WDPCP: variants seen among roughly 807,000 people sequenced by gnomAD.
WDPCP encodes WD repeat-containing and planar cell polarity effector protein fritz homolog.
Under a neutral mutation model 93.1 loss-of-function variants are expected in WDPCP, and 71 were observed. The ratio of observed to expected loss-of-function variants is 0.76; its 90% CI spans 0.63 to 0.93. The LOEUF is 0.93. WDPCP is among the 40% of genes least tolerant of loss of function. WDPCP has a pLI of 0.00. For synonymous variants in WDPCP, 315 were observed against 315.0 expected (o/e 1.00, Z 0.00); for missense variants, 844 against 887.4 (o/e 0.95, Z 0.62).
chr2:63,654,187 T>C (rs1249338639), intron 2 of WDPCP, among the ~76,000 whole-genome samples: 1 of 151,940 alleles, frequency 6.6e-6, no homozygotes, highest in Non-Finnish European at 1.5e-5. Context: ...GAAGTAAAAA[T>C]TTTACTGGAC....
chr2:63,202,900 A>G (rs1340429697), intron 14 of WDPCP, among the ~76,000 whole-genome samples: 1 of 151,850 alleles, frequency 6.6e-6, no homozygotes, highest in Non-Finnish European at 1.5e-5. Context: ...GCCTAGTTTT[A>G]GATTTTGCTC....
chr2:63,124,411 T>G (rs988718414), intron 17 of WDPCP, among the ~76,000 whole-genome samples: 3 of 152,166 alleles, frequency 2.0e-5, no homozygotes, highest in African/African-American at 7.2e-5. Flanking sequence ...CCCTCATTGC[T>G]TTCTACATGT....
At chr2:63,195,585 A>G (rs1255613726) in intron 14 of WDPCP, among the ~76,000 whole-genome samples, 2 of 152,072 alleles carry the variant, frequency 1.3e-5, no homozygotes, top group African/African-American at 2.4e-5. Context: ...CAGCCTCCCA[A>G]AGGGTTATAG....
At chr2:63,534,265 G>A (rs1034010859) in intron 1 of WDPCP, among the ~76,000 whole-genome samples, 3 of 152,126 alleles carry the variant, frequency 2.0e-5, no homozygotes, top group East Asian at 1.9e-4. Flanking sequence ...ATTCACAGCC[G>A]AATTCTACCA....
chr2:63,174,870 T>C lies in WDPCP; in HGVS notation c.1916-38A>G, dbSNP rs778569154. The C allele has an allele frequency of 2.5e-6, 4 of 1,600,236 alleles. No individual in the cohort carries two copies. In the Admixed American group the frequency reaches 5.0e-5, roughly 20 times the overall value. On this transcript the variant is annotated intron_variant, in intron 14 of 17. Transcript: ENST00000272321. ...ATTAATATGTGAGTGAAATACTAAG[T>C]ACAATTTCTGCTAACTCCCTTATAA...
intron 15 of WDPCP, chr2:63,168,976 A>T (rs928703411): frequency 1.3e-5 from 2 of 152,176 alleles, no homozygotes; most frequent in Non-Finnish European, 2.9e-5. Context: ...ATTATGTGGC[A>T]TATGAGATTT....
At chr2:63,179,205 G>GAA (rs552500748) in intron 14 of WDPCP, among the ~76,000 whole-genome samples, 16 of 138,058 alleles carry the variant, frequency 1.2e-4, no homozygotes, top group Non-Finnish European at 1.1e-4. Context: ...GTCTCGGGGG[G>GAA]AAAAAAAAAA....
At chr2:63,609,319 C>A (rs567217545) in intron 3 of WDPCP, among the ~76,000 whole-genome samples, 1 of 152,146 alleles carries the variant, frequency 6.6e-6, no homozygotes, top group South Asian at 2.1e-4. Flanking sequence ...CGAGATCATG[C>A]CACTGCACTC....
intron 2 of WDPCP, among the ~76,000 whole-genome samples, chr2:63,775,341 G>A (rs1008680970): frequency 1.4e-4 from 21 of 152,202 alleles, no homozygotes; most frequent in African/African-American, 2.4e-4. Context: ...ATTGTAATGC[G>A]GTCAGCCCAT....
At chr2:63,190,112 TAAAC>T (rs1018863860) in intron 14 of WDPCP, among the ~76,000 whole-genome samples, 1 of 151,532 alleles carries the variant, frequency 6.6e-6, no homozygotes, top group Non-Finnish European at 1.5e-5. Flanking sequence ...CAGAAAAAAA[TAAAC>T]AAATAGTGAC....
intron 1 of WDPCP, among the ~76,000 whole-genome samples, chr2:63,826,392 C>T (rs1414260499): frequency 2.0e-5 from 3 of 151,388 alleles, no homozygotes; most frequent in South Asian, 2.1e-4. Flanking sequence ...GCACAATTCT[C>T]AGTATTCATT....
chr2:63,415,810 AG>A (rs1384910189), intron 9 of WDPCP, among the ~76,000 whole-genome samples: 2 of 152,212 alleles, frequency 1.3e-5, no homozygotes, highest in African/African-American at 2.4e-5. Context: ...AAAAAGGTGA[AG>A]GGACTGAAAA....
At chr2:63,717,655 A>G (rs918504969) in intron 2 of WDPCP, 57 of 514,002 alleles carry the variant, frequency 1.1e-4, no homozygotes, top group Non-Finnish European at 1.9e-4. Flanking sequence ...CAACTGCACA[A>G]GATTCTGTCC....
intron 13 of WDPCP, among the ~76,000 whole-genome samples, chr2:63,309,835 C>CT (rs1686044921): frequency 6.6e-6 from 1 of 151,710 alleles, no homozygotes; most frequent in Admixed American, 6.6e-5. Flanking sequence ...GTAAATAACA[C>CT]ACTCAGACAA....
At chr2:63,732,137 G>A (rs1211744333) in intron 2 of WDPCP, among the ~76,000 whole-genome samples, 2 of 152,186 alleles carry the variant, frequency 1.3e-5, no homozygotes, top group Non-Finnish European at 2.9e-5. Flanking sequence ...CCAAATCCAA[G>A]ACACAGATGG....
intron 3 of WDPCP, chr2:63,622,602 G>A (rs938940643): frequency 1.2e-5 from 20 of 1,613,746 alleles, no homozygotes; most frequent in Middle Eastern, 1.6e-4. Context: ...GATGTACACC[G>A]AGTGAGCAAC....
At chr2:63,473,366 C>G (rs1162588657) in intron 6 of WDPCP, among the ~76,000 whole-genome samples, 1 of 152,148 alleles carries the variant, frequency 6.6e-6, no homozygotes, top group East Asian at 1.9e-4. Flanking sequence ...CTCATGTTTA[C>G]TTTTTAATGT....
At position 63,353,031 on chromosome 2, in the gene WDPCP, G is replaced by A. The variant is rs1354726670; in HGVS notation, c.1748+25355C>T. Among the ~76,000 whole-genome samples the A allele has an allele frequency of 2.0e-5, 3 of 152,214 alleles. 1 individual carries two copies. Among genetic ancestry groups the A allele is most frequent in the South Asian group, 4.2e-4 (2 of 4,808 alleles). ...AATCAAGGAAACAACCTGACCCACG[G>A]AGAACAAAGAAAAGCACAACAGGAC... On this transcript the variant is annotated intron_variant, in intron 12 of 17. Coordinates refer to ENST00000272321, the MANE Select transcript of WDPCP (RefSeq NM_015910.7).
chr2:63,266,505 A>T (rs568663641), intron 13 of WDPCP, among the ~76,000 whole-genome samples: 5 of 152,350 alleles, frequency 3.3e-5, no homozygotes, highest in Admixed American at 1.3e-4. Flanking sequence ...TAAAGAAGAC[A>T]CAAATAAATG....
Sources: gnomAD v4.1 joint callset for allele counts (sites outside exome capture counted in the v4.1 genomes callset) on GRCh38, gnomAD v4.1.1 for gene constraint, MANE v1.5 for transcripts, NCBI Gene and HGNC (gene_info 2026-07-23, HGNC 2026-07-21) for gene names.